DNAAF4: variants seen among roughly 807,000 people sequenced by gnomAD.
The protein encoded by DNAAF4 is dynein assembly factor 4, axonemal.
Under a neutral mutation model 51.8 loss-of-function variants are expected in DNAAF4, and 43 were observed. The ratio of observed to expected loss-of-function variants is 0.83; its 90% CI spans 0.65 to 1.07. The LOEUF (loss-of-function observed/expected upper bound fraction) is 1.07, where lower values mean the gene tolerates loss of function less well. Ranked by LOEUF, DNAAF4 falls within the 50% of genes least tolerant of loss-of-function variation. The pLI, the probability that DNAAF4 is intolerant of heterozygous loss-of-function variation, is 0.00. For missense variants in DNAAF4, 581 were observed against 493.0 expected, an observed-to-expected ratio of 1.18 and a Z score of -1.69; for synonymous variants, 194 against 165.6, an observed-to-expected ratio of 1.17 and a Z score of -1.32.
At position 55,503,300 on chromosome 15, in the gene DNAAF4, A is replaced by G. The variant is rs553571588; in HGVS notation, c.-255-4716T>C. ...AATAATTAATAACCTACCAACCAAAAAAAGTCCAGGACCAGACGGATTCAG... is the reference window on the plus strand; with the variant it reads ...AATAATTAATAACCTACCAACCAAAGAAAGTCCAGGACCAGACGGATTCAG... On this transcript the variant is annotated intron_variant, in intron 1 of 9. Transcript: ENST00000321149. 7.2e-5 allele frequency among the ~76,000 whole-genome samples: 11 copies of G among 152,280 alleles called. 1 individual carries two copies. In the East Asian group the frequency reaches 2.1e-3, roughly 29 times the overall value.
chr15:55,475,852 CTT>C (rs916345553), intron 4 of DNAAF4, among the ~76,000 whole-genome samples: 1 of 152,096 alleles, frequency 6.6e-6, no homozygotes, highest in African/African-American at 2.4e-5. Flanking sequence ...AAGAGGAAAA[CTT>C]TGCAGTTGGT....
chr15:55,471,651 C>A (rs974739751), intron 4 of DNAAF4, among the ~76,000 whole-genome samples: 42 of 149,472 alleles, frequency 2.8e-4, no homozygotes, highest in African/African-American at 9.1e-4. Context: ...GTAGCTGGGA[C>A]TACAGGCACC....
chr15:55,422,416 C>A (rs2057396381), intron 7 of DNAAF4, among the ~76,000 whole-genome samples: 1 of 152,040 alleles, frequency 6.6e-6, no homozygotes, highest in African/African-American at 2.4e-5. Context: ...ATGATTAAAC[C>A]AGATAAGACT....
chr15:55,460,368 C>T (rs959484425), intron 5 of DNAAF4, among the ~76,000 whole-genome samples: 9 of 151,718 alleles, frequency 5.9e-5, no homozygotes, highest in South Asian at 4.2e-4. Context: ...TTAGTAGAGA[C>T]GGGGTTTCAC....
In DNAAF4 at chr15:55,435,064, G is replaced by C. The variant is rs748851193; in HGVS notation, c.894-6C>G. Reference sequence around the variant, plus strand: ...TTTCCGTTGCAAACAATTTGCTAATGAGACAAAAACAGAGAAGAAAAACAA... The same window carrying C: ...TTTCCGTTGCAAACAATTTGCTAATCAGACAAAAACAGAGAAGAAAAACAA... On this transcript the variant is annotated splice_polypyrimidine_tract_variant and splice_region_variant and intron_variant, in intron 7 of 9. Transcript: ENST00000321149. 6.3e-7 allele frequency: 1 copy of C among 1,580,912 alleles called. No individual in the cohort carries two copies. Among genetic ancestry groups the C allele is most frequent in the African/African-American group, 1.4e-5 (1 of 72,908 alleles).
chr15:55,501,022 T>TAA (rs374770939), intron 1 of DNAAF4, among the ~76,000 whole-genome samples: 9 of 143,500 alleles, frequency 6.3e-5, no homozygotes, highest in African/African-American at 2.4e-4. Flanking sequence ...AATGGAAACT[T>TAA]AAAAAAAAAA....
chr15:55,433,293 T>G (rs1268639221), intron 8 of DNAAF4, among the ~76,000 whole-genome samples: 1 of 151,998 alleles, frequency 6.6e-6, no homozygotes, highest in East Asian at 1.9e-4. Flanking sequence ...AGTGAGACTT[T>G]GTCTCACACA....
chr15:55,485,642 TA>T (rs765276606), intron 4 of DNAAF4, among the ~76,000 whole-genome samples: 132 of 148,350 alleles, frequency 8.9e-4, no homozygotes, highest in African/African-American at 3.0e-3. Context: ...CAAGAAATGA[TA>T]AAAAAAAAAT....
At chr15:55,433,898 T>TATA in intron 8 of DNAAF4, among the ~76,000 whole-genome samples, 2 of 44,796 alleles carry the variant, frequency 4.5e-5, no homozygotes, top group Non-Finnish European at 6.9e-5. Flanking sequence ...ATATATATTA[T>TATA]ATATATTATA....
intron 7 of DNAAF4, among the ~76,000 whole-genome samples, chr15:55,436,898 G>C (rs934941898): frequency 6.6e-6 from 1 of 151,742 alleles, no homozygotes; most frequent in African/African-American, 2.4e-5. Flanking sequence ...TCGATTCACC[G>C]CAACCTCCAC....
intron 4 of DNAAF4, among the ~76,000 whole-genome samples, chr15:55,487,960 T>A (rs991477382): frequency 6.6e-6 from 1 of 152,156 alleles, no homozygotes; most frequent in Non-Finnish European, 1.5e-5. Flanking sequence ...TTAGCAAATA[T>A]GACACAGCAG....
intron 5 of DNAAF4, among the ~76,000 whole-genome samples, chr15:55,455,532 A>G (rs2058007335): frequency 6.6e-6 from 1 of 151,738 alleles, no homozygotes; most frequent in Non-Finnish European, 1.5e-5. Context: ...CCTGGGTTCA[A>G]GTGATTCTCC....
At chr15:55,489,592 T>C (rs1236103839) in intron 4 of DNAAF4, among the ~76,000 whole-genome samples, 3 of 150,756 alleles carry the variant, frequency 2.0e-5, no homozygotes, top group Non-Finnish European at 4.4e-5. Context: ...TGAGAATCTC[T>C]TGAACCCGAG....
At chr15:55,438,641 C>T (rs1245470648) in intron 7 of DNAAF4, among the ~76,000 whole-genome samples, 2 of 151,694 alleles carry the variant, frequency 1.3e-5, no homozygotes, top group African/African-American at 4.8e-5. Flanking sequence ...AAAAATTCGC[C>T]AGGTGTGGCG....
intron 7 of DNAAF4, among the ~76,000 whole-genome samples, chr15:55,420,236 A>G (rs1457948751): frequency 2.0e-5 from 3 of 152,142 alleles, no homozygotes; most frequent in Non-Finnish European, 2.9e-5. Context: ...AAGATGTGAG[A>G]CAATGTGGTA....
rs1039310047 is a variant in DNAAF4, at chr15:55,467,045, T to A, written c.522A>T (p.Lys174Asn). The change falls in exon 5 of 10, where the codon AAA becomes AAT. Residue 174 changes from lysine (K) to asparagine (N), a missense_variant. By Grantham distance (94) the Lys-to-Asn change is moderately conservative (BLOSUM62 0). Transcript: ENST00000321149. ...EYQRKAEEQK[K>N]IQREEKLCQK... ...GACATAATTTCTCTTCTCTCTGAAT[T>A]TTTTTTTGCTCCTCAGCTTTTCTTT... The A allele has an allele frequency of 5.8e-6, 9 of 1,558,234 alleles. No homozygotes were observed. The highest frequency in any genetic ancestry group is 3.9e-5 in the Admixed American group (2 of 50,816).
At position 55,497,786 on chromosome 15, in the gene DNAAF4, A is replaced by C; in HGVS notation, c.197T>G (p.Ile66Ser). ...PIDDESSKAKIGNDTIVFTLY... is the reference protein window; with the variant it reads ...PIDDESSKAKSGNDTIVFTLY... Reference sequence around the variant, plus strand: ...GGTGAAGACAATGGTGTCATTCCCAATCTTTGCTTTGCTGCTCTCATCGTC... The same window carrying C: ...GGTGAAGACAATGGTGTCATTCCCACTCTTTGCTTTGCTGCTCTCATCGTC... Residue 66 changes from isoleucine to serine, a missense_variant, in exon 3 of 10, where the codon ATT (isoleucine) becomes AGT (serine). Transcript: ENST00000321149. The C allele has an allele frequency of 6.2e-7, 1 of 1,614,092 alleles. No individual in the cohort carries two copies. The highest frequency in any genetic ancestry group is 8.5e-7 in the Non-Finnish European group (1 of 1,180,000).
chr15:55,432,761 C>T (rs1314029775), intron 8 of DNAAF4, among the ~76,000 whole-genome samples, 159 bp from the exon 9 acceptor site: 15 of 151,696 alleles, frequency 9.9e-5, no homozygotes, highest in African/African-American at 3.6e-4. Context: ...GCCTGGCCAA[C>T]ATGGCGAAAC....
Position 55,485,246 on chromosome 15 carries a change from T to A in DNAAF4, c.405+5877A>T, listed in dbSNP as rs145121021. Among the ~76,000 whole-genome samples, 12 of 152,220 alleles carry A rather than the reference T, an allele frequency of 7.9e-5. No homozygotes were observed. The East Asian group carries it at 2.3e-3, about 29-fold the overall frequency. On this transcript the variant is annotated intron_variant, in intron 4 of 9. Coordinates refer to ENST00000321149, the MANE Select transcript of DNAAF4 (RefSeq NM_130810.4). ...GACAGGCTGCTGAGAAAGTCTGACATACACTGAAGAGGAATGAGATGAAAG... is the reference window on the plus strand; with the variant it reads ...GACAGGCTGCTGAGAAAGTCTGACAAACACTGAAGAGGAATGAGATGAAAG...
Sources: allele counts gnomAD v4.1 joint callset (sites outside exome capture counted in the v4.1 genomes callset), GRCh38; gene constraint gnomAD v4.1.1; transcripts MANE v1.5; gene names NCBI Gene and HGNC (gene_info 2026-07-23, HGNC 2026-07-21).